The following IGSF23 variants were observed in gnomAD, a reference collection of about 807,000 sequenced individuals.
IGSF23 encodes the protein immunoglobulin superfamily member 23, also known as immunoglobulin superfamily, member 23.
Under a neutral mutation model 17.8 loss-of-function variants are expected in IGSF23, and 14 were observed. The ratio of observed to expected loss-of-function variants is 0.79; its 90% CI spans 0.52 to 1.23. IGSF23 has a LOEUF of 1.23. IGSF23 is among the 50% of genes most tolerant of loss of function. IGSF23 has a pLI of 0.00. For synonymous variants in IGSF23, 85 were observed against 92.5 expected, an observed-to-expected ratio of 0.92 and a Z score of 0.46; for missense variants, 214 against 241.7, an observed-to-expected ratio of 0.89 and a Z score of 0.76.
At position 44,623,774 on chromosome 19, in the gene IGSF23, T is replaced by C. The variant is rs1285306586; in HGVS notation, c.193T>C (p.Tyr65His). 1 of 1,550,996 alleles carries C rather than the reference T, an allele frequency of 6.4e-7. No individual in the cohort carries two copies. Residue 65 changes from tyrosine to histidine, a missense_variant, in exon 2 of 5, where the codon TAT (tyrosine) becomes CAT (histidine). By Grantham distance (83) the Tyr-to-His change is moderately conservative. Coordinates refer to ENST00000402988, the MANE Select transcript of IGSF23 (RefSeq NM_001205280.2). ...GGGAGTCATCCAGAGTGAGCTCAACTATTCTGTGATCCTGCAGTGGGTGGT... is the reference window on the plus strand; with the variant it reads ...GGGAGTCATCCAGAGTGAGCTCAACCATTCTGTGATCCTGCAGTGGGTGGT... ...IRGVIQSELNYSVILQWVVTM... is the reference protein window; with the variant it reads ...IRGVIQSELNHSVILQWVVTM...
chr19:44,631,121 A>T (rs12977255), intron 3 of IGSF23, among the ~76,000 whole-genome samples: 1 of 150,136 alleles, frequency 6.7e-6, no homozygotes, highest in Non-Finnish European at 1.5e-5. Flanking sequence ...AGAAAAATTC[A>T]CTGGGCATGA....
At chr19:44,618,112 C>T (rs533704566) in intron 1 of IGSF23, 30 of 471,162 alleles carry the variant, frequency 6.4e-5, no homozygotes, top group South Asian at 3.6e-4. Flanking sequence ...TCTGCCTTCT[C>T]AGAGCTGCCC....
At chr19:44,618,747 A>G (rs1200222929) in intron 1 of IGSF23, among the ~76,000 whole-genome samples, 2 of 152,120 alleles carry the variant, frequency 1.3e-5, no homozygotes, top group Non-Finnish European at 2.9e-5. Context: ...TGGAAGAGGA[A>G]CAAGAGGTAA....
chr19:44,625,831 A>G (rs1171930462), intron 2 of IGSF23, among the ~76,000 whole-genome samples: 1 of 152,088 alleles, frequency 6.6e-6, no homozygotes, highest in Non-Finnish European at 1.5e-5. Flanking sequence ...AGTTTTTCCC[A>G]TGCTGTTCTC....
Position 44,616,081 on chromosome 19 carries a change from A to G in IGSF23, c.125+2311A>G, listed in dbSNP as rs563204808. Among the ~76,000 whole-genome samples, 7 of 152,332 alleles carry G rather than the reference A, an allele frequency of 4.6e-5. No individual in the cohort carries two copies. In the South Asian group the frequency reaches 8.3e-4, roughly 18 times the overall value. On this transcript the variant is annotated intron_variant, in intron 1 of 4. Transcript: ENST00000402988. Reference sequence around the variant, plus strand: ...CGAACTTCAACTCTGTAAATACAAAATGTTCTCTTGATAACAGCAGGTACC... The same window carrying G: ...CGAACTTCAACTCTGTAAATACAAAGTGTTCTCTTGATAACAGCAGGTACC...
chr19:44,614,054 G>A (rs1476486678), intron 1 of IGSF23: 19 of 1,319,480 alleles, frequency 1.4e-5, no homozygotes, highest in Non-Finnish European at 2.0e-5. Flanking sequence ...CTCCTTACGA[G>A]TCCAAGTCAC....
chr19:44,618,089 A>C (rs759804730), intron 1 of IGSF23: 1 of 471,014 alleles, frequency 2.1e-6, no homozygotes, highest in South Asian at 1.5e-5. Context: ...CCCTGCTCAC[A>C]TCCTGCACCT....
At chr19:44,621,024 G>A (rs920854079) in intron 1 of IGSF23, among the ~76,000 whole-genome samples, 1 of 152,098 alleles carries the variant, frequency 6.6e-6, no homozygotes, top group Non-Finnish European at 1.5e-5. Flanking sequence ...GCTCACACCT[G>A]TAATCCCAGC....
At chr19:44,635,354 C>CTG in intron 3 of IGSF23, 47 bp from the exon 4 acceptor site, 1 of 1,126,230 alleles carries the variant, frequency 8.9e-7, no homozygotes, top group Non-Finnish European at 1.2e-6. Flanking sequence ...CTTATTCTCT[C>CTG]TCTCTCTCTC....
intron 3 of IGSF23, among the ~76,000 whole-genome samples, chr19:44,630,774 T>A (rs1972748164): frequency 6.6e-6 from 1 of 152,048 alleles, no homozygotes; most frequent in South Asian, 2.1e-4. Flanking sequence ...AGAAAAGAAG[T>A]GTATATGGGC....
intron 1 of IGSF23, among the ~76,000 whole-genome samples, chr19:44,614,723 C>T (rs1361681588): frequency 6.6e-6 from 1 of 152,112 alleles, no homozygotes; most frequent in Non-Finnish European, 1.5e-5. Flanking sequence ...TGAGCCACTG[C>T]GCCCAGCCTG....
intron 3 of IGSF23, among the ~76,000 whole-genome samples, chr19:44,627,947 C>CT (rs56014048): frequency 0.44 from 60,701 of 139,242 alleles, 13,575 homozygotes; most frequent in East Asian, 0.68. Flanking sequence ...TTTTCTTTTT[C>CT]TTTTTTTTTT....
At chr19:44,635,040 C>T (rs1490773885) in intron 3 of IGSF23, among the ~76,000 whole-genome samples, 1 of 152,132 alleles carries the variant, frequency 6.6e-6, no homozygotes, top group Non-Finnish European at 1.5e-5. Context: ...TTTATTTTCT[C>T]ACAGTCTGGA....
rs918234358 is a variant in IGSF23, at chr19:44,636,729, C to T, written c.*342C>T. 6.6e-6 allele frequency: 1 copy of T among 151,544 alleles called. No homozygotes were observed. The highest frequency in any genetic ancestry group is 1.5e-5 in the Non-Finnish European group (1 of 67,856). The allele number at this position is 151,544 out of a possible 1,614,324, so 9.4% of individuals were successfully genotyped here. A position where few individuals can be genotyped will look rare whatever the true frequency, so the allele number is the denominator to read the frequency against. ...CAAAATATGTCTTTTACACATGCTG[C>T]TTTTTTTTTCTCTTTTTCAAAAAGA... is the stretch of plus-strand genomic sequence containing the variant. On this transcript the variant is annotated 3_prime_UTR_variant, in exon 5 of 5. Coordinates refer to ENST00000402988, the MANE Select transcript of IGSF23 (RefSeq NM_001205280.2).
In IGSF23 at chr19:44,627,508, G is replaced by A. The variant is rs756583011; in HGVS notation, c.480G>A (p.Ala160=). The change falls in exon 3 of 5, where the codon GCG becomes GCA. Residue 160 remains alanine (A), a synonymous_variant. Coordinates refer to ENST00000402988, the MANE Select transcript of IGSF23 (RefSeq NM_001205280.2). ...GAGGCTCTGCCATCGGGCTCCTTGC[G>A]GCTGGGATCCTGGGAGCCGGGGCAC... ...LSGGSAIGLL[A]AGILGAGALI... The A allele has an allele frequency of 1.4e-5, 21 of 1,550,374 alleles. No individual in the cohort carries two copies. The highest frequency in any genetic ancestry group is 5.5e-5 in the African/African-American group (4 of 73,028).
intron 2 of IGSF23, among the ~76,000 whole-genome samples, chr19:44,625,217 C>T (rs1056413267): frequency 2.6e-5 from 4 of 152,186 alleles, no homozygotes; most frequent in African/African-American, 9.7e-5. Flanking sequence ...ATAGTGCCTA[C>T]CCCAGTGTGT....
At position 44,623,707 on chromosome 19, in the gene IGSF23, C is replaced by G; in HGVS notation, c.126C>G (p.Val42=). 2 of 1,551,078 alleles carry G rather than the reference C, an allele frequency of 1.3e-6. No homozygotes were observed. The highest frequency in any genetic ancestry group is 1.7e-6 in the Non-Finnish European group (2 of 1,147,044). Residue 42 remains valine (V), a splice_region_variant and synonymous_variant, in exon 2 of 5, where the codon GTC becomes GTG. Coordinates refer to ENST00000402988, the MANE Select transcript of IGSF23 (RefSeq NM_001205280.2). The stretch of plus-strand genomic sequence containing the variant: ...CCTTGTTCCCTGTTTGCACAGACAG[C>G]CTCCAACTAATGCCACTGAAGACAT... ...AAGGDFPANL[V]LQLMPLKTFP... is the part of the protein sequence containing the mutation.
chr19:44,630,738 C>A (rs933870460), intron 3 of IGSF23, among the ~76,000 whole-genome samples: 2 of 152,200 alleles, frequency 1.3e-5, no homozygotes, highest in African/African-American at 4.8e-5. Context: ...CTGCCTTGAC[C>A]CTCCCAGTGA....
intron 2 of IGSF23, among the ~76,000 whole-genome samples, chr19:44,625,753 T>C (rs979483376): frequency 7.9e-5 from 12 of 152,138 alleles, no homozygotes; most frequent in Non-Finnish European, 1.8e-4. Flanking sequence ...TCATCCTGAA[T>C]TGTAGCTCTC....
Sources: allele counts gnomAD v4.1 joint callset (sites outside exome capture counted in the v4.1 genomes callset), GRCh38; gene constraint gnomAD v4.1.1; transcripts MANE v1.5; gene names NCBI Gene and HGNC (gene_info 2026-07-23, HGNC 2026-07-21).